Variants in SLC35D4 observed in about 807,000 individuals in gnomAD.
SLC35D4 encodes the protein UDP-N-acetylglucosamine transporter SLC35D4.
the SLC35D4 span, among the ~76,000 whole-genome samples, chr18:23,275,612 CT>C: frequency 7.8e-6 from 1 of 127,834 alleles, no homozygotes; most frequent in African/African-American, 2.8e-5. Context: ...CTGTGCTGTG[CT>C]GTGCTGTGCT....
the SLC35D4 span, chr18:23,421,530 CAA>C: frequency 1.8e-5 from 22 of 1,189,762 alleles, no homozygotes; most frequent in East Asian, 4.8e-5. Flanking sequence ...CTGACTGACA[CAA>C]AGAGACAAGT....
At chr18:23,311,737 C>T in the SLC35D4 span, among the ~76,000 whole-genome samples, 60,987 of 152,040 alleles carry the variant, frequency 0.4, 13,374 homozygotes, top group Admixed American at 0.5. Flanking sequence ...TCTAGGTCTC[C>T]CAATTCATTA....
the SLC35D4 span, among the ~76,000 whole-genome samples, chr18:23,389,176 A>G: frequency 6.6e-6 from 1 of 151,794 alleles, no homozygotes; most frequent in Non-Finnish European, 1.5e-5. Context: ...TTTAGTAGAG[A>G]CGAGGTTTCA....
the SLC35D4 span, among the ~76,000 whole-genome samples, chr18:23,252,085 C>CAA: frequency 9.7e-5 from 7 of 72,318 alleles, no homozygotes; most frequent in Admixed American, 4.6e-4. Context: ...GACTCCGTCT[C>CAA]AAAAAAAAAA....
the SLC35D4 span, chr18:23,298,070 G>T: frequency 6.2e-7 from 1 of 1,613,682 alleles, no homozygotes; most frequent in Non-Finnish European, 8.5e-7. Context: ...GCAGGAGGCT[G>T]CAAACAACAG....
At chr18:23,363,700 G>T in the SLC35D4 span, among the ~76,000 whole-genome samples, 1 of 152,134 alleles carries the variant, frequency 6.6e-6, no homozygotes, top group Admixed American at 6.5e-5. Context: ...AAAGGGGCAG[G>T]ACACTTAGTA....
the SLC35D4 span, among the ~76,000 whole-genome samples, chr18:23,313,411 C>A: frequency 3.9e-5 from 6 of 152,034 alleles, no homozygotes; most frequent in South Asian, 1.2e-3. Flanking sequence ...AAAAGGAGCC[C>A]CCTGTGACTC....
chr18:23,378,718 T>G, the SLC35D4 span, among the ~76,000 whole-genome samples: 71 of 152,194 alleles, frequency 4.7e-4, no homozygotes, highest in Non-Finnish European at 9.3e-4. Flanking sequence ...CAATTAAACT[T>G]TTGATTAATT....
the SLC35D4 span, among the ~76,000 whole-genome samples, chr18:23,245,503 C>CAA: frequency 4.6e-3 from 433 of 94,568 alleles, 4 homozygotes; most frequent in African/African-American, 0.016. Flanking sequence ...CATCCTGTCT[C>CAA]AAAAAAAAAA....
the SLC35D4 span, among the ~76,000 whole-genome samples, chr18:23,388,426 T>C: frequency 3.3e-5 from 5 of 152,220 alleles, no homozygotes; most frequent in African/African-American, 4.8e-5. Context: ...TGAGAAAGAC[T>C]GGCCACTTGC....
chr18:23,394,920 T>C, the SLC35D4 span, among the ~76,000 whole-genome samples: 1 of 146,298 alleles, frequency 6.8e-6, no homozygotes, highest in Admixed American at 6.9e-5. Flanking sequence ...GAGGCAGAGG[T>C]TGTGGTGAGC....
chr18:23,372,308 C>T, the SLC35D4 span, among the ~76,000 whole-genome samples: 2 of 152,096 alleles, frequency 1.3e-5, no homozygotes, highest in Non-Finnish European at 2.9e-5. Flanking sequence ...GGAGGGTGGG[C>T]ATTAGAACAG....
At chr18:23,359,431 C>T in the SLC35D4 span, among the ~76,000 whole-genome samples, 12 of 151,540 alleles carry the variant, frequency 7.9e-5, no homozygotes, top group African/African-American at 2.2e-4. Flanking sequence ...TACAGCAACA[C>T]GCGGCTTATG....
the SLC35D4 span, chr18:23,421,270 A>G: frequency 1.0e-6 from 1 of 991,876 alleles, no homozygotes; most frequent in South Asian, 1.5e-5. Context: ...AAATAAATAA[A>G]CCTCTGTGCT....
the SLC35D4 span, among the ~76,000 whole-genome samples, chr18:23,246,912 C>T: frequency 3.3e-5 from 5 of 152,178 alleles, no homozygotes; most frequent in East Asian, 1.9e-4. Context: ...AAGCTGGTCT[C>T]GAACTCCTGA....
chr18:23,243,293 A>C, the SLC35D4 span, among the ~76,000 whole-genome samples: 1 of 151,908 alleles, frequency 6.6e-6, no homozygotes, highest in Non-Finnish European at 1.5e-5. Flanking sequence ...GTAGCTCCGC[A>C]CTTCCCTATT....
At chr18:23,270,569 C>T in the SLC35D4 span, among the ~76,000 whole-genome samples, 3 of 152,198 alleles carry the variant, frequency 2.0e-5, no homozygotes, top group South Asian at 2.1e-4. Flanking sequence ...GGAAAAACTG[C>T]AGACAATGCC....
the SLC35D4 span, among the ~76,000 whole-genome samples, chr18:23,345,481 CAAAA>C: frequency 5.2e-5 from 3 of 57,244 alleles, no homozygotes; most frequent in South Asian, 1.8e-3. Flanking sequence ...GACTCCATCT[CAAAA>C]AAAAAAAAAA....
the SLC35D4 span, among the ~76,000 whole-genome samples, chr18:23,400,833 T>G: frequency 6.6e-6 from 1 of 152,286 alleles, no homozygotes; most frequent in Middle Eastern, 3.4e-3. Context: ...CCATCCAAGA[T>G]CAGGTCTGAT....
Sources: allele counts gnomAD v4.1 joint callset (sites outside exome capture counted in the v4.1 genomes callset), GRCh38; gene constraint gnomAD v4.1.1; transcripts MANE v1.5; gene names NCBI Gene and HGNC (gene_info 2026-07-23, HGNC 2026-07-21).